The following TTC28 variants were observed in gnomAD, a reference collection of about 807,000 sequenced individuals.
TTC28 encodes tetratricopeptide repeat protein 28.
A neutral mutation model predicts 198.0 loss-of-function variants in TTC28; 61 were observed. The ratio of observed to expected loss-of-function variants is 0.31; its 90% CI spans 0.25 to 0.38. TTC28 has a LOEUF of 0.38. Ranked by LOEUF, TTC28 falls within the 10% of genes least tolerant of loss-of-function variation. The probability of loss-of-function intolerance (pLI) is 1.00; values close to 1 mark genes in which losing one functional copy is unlikely to be tolerated. For synonymous variants in TTC28, 1,171 were observed against 1,297.8 expected, an observed-to-expected ratio of 0.90 and a Z score of 2.10; for missense variants, 2,678 against 3,164.0, an observed-to-expected ratio of 0.85 and a Z score of 3.69.
chr22:28,553,902 G>T (rs2049743362), intron 2 of TTC28, among the ~76,000 whole-genome samples: 1 of 152,278 alleles, frequency 6.6e-6, no homozygotes. Context: ...AACGGGCCAT[G>T]ATGACAGTGG....
At chr22:28,368,853 C>T (rs1035626235) in intron 2 of TTC28, among the ~76,000 whole-genome samples, 1 of 151,948 alleles carries the variant, frequency 6.6e-6, no homozygotes, top group South Asian at 2.1e-4. Flanking sequence ...AAGATCTCTA[C>T]AATGGAAACT....
chr22:28,258,079 T>A (rs1480095100), intron 5 of TTC28, among the ~76,000 whole-genome samples: 2 of 152,064 alleles, frequency 1.3e-5, no homozygotes, highest in African/African-American at 4.8e-5. Flanking sequence ...CCAACTATAA[T>A]TTTATAAACA....
At chr22:28,571,794 C>T (rs900549518) in intron 2 of TTC28, among the ~76,000 whole-genome samples, 4 of 151,536 alleles carry the variant, frequency 2.6e-5, no homozygotes, top group Admixed American at 2.6e-4. Context: ...ACTGAAAATA[C>T]AAAATTAGCC....
intron 2 of TTC28, among the ~76,000 whole-genome samples, chr22:28,424,076 G>C (rs1410906412): frequency 2.0e-5 from 3 of 151,522 alleles, no homozygotes; most frequent in African/African-American, 7.3e-5. Flanking sequence ...TTACATCAAG[G>C]AATACAGGAA....
intron 17 of TTC28, among the ~76,000 whole-genome samples, chr22:27,994,963 C>T (rs1410073554): frequency 6.6e-6 from 1 of 152,190 alleles, no homozygotes; most frequent in African/African-American, 2.4e-5. Context: ...GGGTGTTGGC[C>T]TCCTCGAGCC....
intron 5 of TTC28, among the ~76,000 whole-genome samples, chr22:28,285,979 ATTAAAAGAGG>A (rs774270903): frequency 1.3e-5 from 2 of 152,136 alleles, no homozygotes; most frequent in African/African-American, 2.4e-5. Context: ...GAGTGCTCAC[ATTAAAAGAGG>A]TTCAAGATTA....
intron 2 of TTC28, among the ~76,000 whole-genome samples, chr22:28,347,280 AAAAAAC>A (rs1344740556): frequency 6.6e-6 from 1 of 151,530 alleles, no homozygotes; most frequent in Non-Finnish European, 1.5e-5. Context: ...GGAAAAAAAA[AAAAAAC>A]AAAAAAAGAA....
At position 28,368,157 on chromosome 22, in the gene TTC28, C is replaced by A. The variant is rs899137443; in HGVS notation, c.382-61514G>T. ...TAAATATTGATGCAAAAAGCCTCAA[C>A]AAAATACTAGCATATTGGATTCAAC... On this transcript the variant is annotated intron_variant, in intron 2 of 22. Coordinates refer to ENST00000397906, the MANE Select transcript of TTC28 (RefSeq NM_001145418.2). Among the ~76,000 whole-genome samples, 6 of 151,934 alleles carry A rather than the reference C, an allele frequency of 3.9e-5. 1 individual carries two copies. The highest frequency in any genetic ancestry group is 8.8e-5 in the Non-Finnish European group (6 of 67,896).
intron 16 of TTC28, among the ~76,000 whole-genome samples, chr22:27,996,737 C>T (rs1242416740): frequency 6.6e-6 from 1 of 152,056 alleles, no homozygotes; most frequent in Non-Finnish European, 1.5e-5. Context: ...CACCGCATCC[C>T]ACCGTTCCTT....
intron 9 of TTC28, among the ~76,000 whole-genome samples, chr22:28,099,990 C>T (rs1476943307): frequency 1.3e-5 from 2 of 152,338 alleles, no homozygotes; most frequent in East Asian, 3.9e-4. Context: ...CCATTCCTAA[C>T]GGAGACATTG....
intron 2 of TTC28, among the ~76,000 whole-genome samples, chr22:28,347,066 C>T (rs2145921319): frequency 6.6e-6 from 1 of 152,164 alleles, no homozygotes; most frequent in Middle Eastern, 3.4e-3. Flanking sequence ...AGTTCCAGAT[C>T]AGCCTGGCCA....
chr22:28,190,735 G>T (rs902194649), intron 5 of TTC28, among the ~76,000 whole-genome samples: 2 of 152,140 alleles, frequency 1.3e-5, no homozygotes, highest in Non-Finnish European at 2.9e-5. Flanking sequence ...GATTATGTAT[G>T]CATTTTCAAG....
At chr22:28,139,371 A>T (rs553666575) in intron 6 of TTC28, among the ~76,000 whole-genome samples, 1 of 152,342 alleles carries the variant, frequency 6.6e-6, no homozygotes, top group African/African-American at 2.4e-5. Context: ...TCATGAATTA[A>T]AATGACATTG....
intron 2 of TTC28, among the ~76,000 whole-genome samples, chr22:28,553,819 C>A (rs1381613907): frequency 2.0e-5 from 3 of 152,160 alleles, no homozygotes; most frequent in Middle Eastern, 3.4e-3. Flanking sequence ...CCCGGCTGCC[C>A]CTGCTGGGAA....
intron 1 of TTC28, among the ~76,000 whole-genome samples, chr22:28,673,170 C>T (rs1054442542): frequency 2.0e-5 from 3 of 151,982 alleles, no homozygotes; most frequent in Non-Finnish European, 4.4e-5. Flanking sequence ...GTCAGGAGAT[C>T]GAGACCATCC....
chr22:27,986,643 C>T (rs1937225805), intron 21 of TTC28, among the ~76,000 whole-genome samples: 1 of 152,166 alleles, frequency 6.6e-6, no homozygotes, highest in Non-Finnish European at 1.5e-5. Flanking sequence ...CCATAGTACA[C>T]GATGTTACTG....
intron 2 of TTC28, among the ~76,000 whole-genome samples, chr22:28,352,477 T>G (rs2046014783): frequency 6.6e-6 from 1 of 152,124 alleles, no homozygotes; most frequent in African/African-American, 2.4e-5. Context: ...TCGGAGCTCA[T>G]GTTCAAGAAA....
chr22:28,488,915 G>A (rs2048342517), intron 2 of TTC28, among the ~76,000 whole-genome samples: 2 of 152,166 alleles, frequency 1.3e-5, no homozygotes, highest in South Asian at 4.2e-4. Flanking sequence ...AATAAAAAAC[G>A]AAACCCCAAC....
chr22:28,215,733 A>G (rs1379201326), intron 5 of TTC28, among the ~76,000 whole-genome samples: 1 of 152,176 alleles, frequency 6.6e-6, no homozygotes, highest in East Asian at 1.9e-4. Context: ...CATATGCAAA[A>G]TGAGGACAAA....
Sources: allele counts gnomAD v4.1 joint callset (sites outside exome capture counted in the v4.1 genomes callset), GRCh38; gene constraint gnomAD v4.1.1; transcripts MANE v1.5; gene names NCBI Gene and HGNC (gene_info 2026-07-23, HGNC 2026-07-21).